The following IL1RAPL1 variants were observed in gnomAD, a reference collection of about 807,000 sequenced individuals.
The protein encoded by IL1RAPL1 is interleukin-1 receptor accessory protein-like 1.
A neutral mutation model predicts 48.4 loss-of-function variants in IL1RAPL1; 3 were observed. The observed-to-expected ratio is 0.06, with a 90% CI of 0.03 to 0.16. IL1RAPL1 has a LOEUF of 0.16. Ranked by LOEUF, IL1RAPL1 falls within the 10% of genes least tolerant of loss-of-function variation. The pLI is 1.00. For synonymous variants in IL1RAPL1, 185 were observed against 187.7 expected (o/e 0.99, Z 0.12); for missense variants, 349 against 530.6 (o/e 0.66, Z 3.36).
At chrX:29,707,360 G>A (rs751483283) in intron 6 of IL1RAPL1, among the ~76,000 whole-genome samples, 5 of 111,936 alleles carry the variant, frequency 4.5e-5, no homozygotes, top group Admixed American at 9.5e-5. Context: ...TAGTACAACC[G>A]CTATGGAAAA....
chrX:28,895,916 C>T (rs1011460562), intron 2 of IL1RAPL1, among the ~76,000 whole-genome samples: 3 of 112,027 alleles, frequency 2.7e-5, no homozygotes, highest in Admixed American at 9.4e-5. Context: ...CAGAGTTCCA[C>T]GGGCTCTGGG....
intron 9 of IL1RAPL1, 93 bp from the exon 10 acceptor site, chrX:29,954,429 G>A: frequency 1.4e-6 from 1 of 700,060 alleles, no homozygotes; most frequent in Non-Finnish European, 2.2e-6. Context: ...TGGGACATTT[G>A]GAGACGTTTA....
chrX:29,184,482 AT>A (rs1049018409), intron 2 of IL1RAPL1, among the ~76,000 whole-genome samples: 2 of 111,399 alleles, frequency 1.8e-5, no homozygotes, highest in African/African-American at 6.5e-5. Flanking sequence ...AGCCACTTAA[AT>A]TATGTATTTT....
chrX:29,805,010 A>G (rs867557977), intron 6 of IL1RAPL1, among the ~76,000 whole-genome samples: 3 of 112,507 alleles, frequency 2.7e-5, no homozygotes, highest in Non-Finnish European at 3.8e-5. Flanking sequence ...ATAATATTAA[A>G]CTTTTGTATG....
chrX:28,670,334 G>A (rs983682687), intron 1 of IL1RAPL1, among the ~76,000 whole-genome samples: 6 of 111,895 alleles, frequency 5.4e-5, no homozygotes, highest in African/African-American at 1.3e-4. Context: ...CAGAATAGAC[G>A]TTGGTTGAGG....
intron 2 of IL1RAPL1, among the ~76,000 whole-genome samples, chrX:28,838,452 C>T (rs1433925759): frequency 9.0e-6 from 1 of 110,624 alleles, no homozygotes; most frequent in Non-Finnish European, 1.9e-5. Flanking sequence ...GGTTAGTATT[C>T]CCCAAACAAG....
chrX:29,619,816 A>C (rs753755912), intron 5 of IL1RAPL1, among the ~76,000 whole-genome samples: 2 of 111,839 alleles, frequency 1.8e-5, no homozygotes, highest in African/African-American at 3.2e-5. Context: ...CATGCATTGA[A>C]GAGACATAAA....
chrX:29,281,016 A>G (rs1932193578), intron 2 of IL1RAPL1, among the ~76,000 whole-genome samples: 1 of 112,289 alleles, frequency 8.9e-6, no homozygotes, highest in African/African-American at 3.2e-5. Context: ...GATGTTAGAT[A>G]TAATTTTAAG....
intron 1 of IL1RAPL1, among the ~76,000 whole-genome samples, chrX:28,656,119 T>C (rs1476103465): frequency 4.5e-5 from 5 of 112,150 alleles, no homozygotes; most frequent in Non-Finnish European, 9.4e-5. Flanking sequence ...GGATAAGATA[T>C]CAAACTAGTT....
Position 29,465,804 on chromosome X carries a change from A to G in IL1RAPL1, c.703+66496A>G, listed in dbSNP as rs763798111. ...TAGTGATTTGGTTCCATTTCTAGAG[A>G]CTCTGATTTAATTGCTCTGGGGTAG... On this transcript the variant is annotated intron_variant, in intron 5 of 10. Coordinates refer to ENST00000378993, the MANE Select transcript of IL1RAPL1 (RefSeq NM_014271.4). Among the ~76,000 whole-genome samples, 13 of 111,175 alleles carry G rather than the reference A, an allele frequency of 1.2e-4. No individual in the cohort carries two copies. The East Asian group carries it at 3.7e-3, about 31-fold the overall frequency.
intron 1 of IL1RAPL1, among the ~76,000 whole-genome samples, chrX:28,777,828 T>C (rs966803736): frequency 4.5e-5 from 5 of 111,446 alleles, no homozygotes; most frequent in African/African-American, 1.6e-4. Context: ...TACTGGTATC[T>C]AGTGAATACA....
chrX:28,946,614 A>G (rs1287726231), intron 2 of IL1RAPL1, among the ~76,000 whole-genome samples: 1 of 111,342 alleles, frequency 9.0e-6, no homozygotes, highest in Non-Finnish European at 1.9e-5. Context: ...CTGAAACACT[A>G]GATGTCTAAT....
At chrX:28,670,138 T>G (rs756506428) in intron 1 of IL1RAPL1, among the ~76,000 whole-genome samples, 1 of 111,461 alleles carries the variant, frequency 9.0e-6, no homozygotes, top group South Asian at 3.7e-4. Context: ...AAGCTGGGAG[T>G]GTCCTAGGCA....
intron 6 of IL1RAPL1, among the ~76,000 whole-genome samples, chrX:29,688,087 A>T (rs975184121): frequency 1.8e-5 from 2 of 112,059 alleles, no homozygotes; most frequent in East Asian, 2.8e-4. Flanking sequence ...GCATAGTAAA[A>T]ATTTAGCAAC....
At chrX:29,304,733 A>T (rs768078066) in intron 3 of IL1RAPL1, among the ~76,000 whole-genome samples, 1 of 112,567 alleles carries the variant, frequency 8.9e-6, no homozygotes, top group African/African-American at 3.2e-5. Flanking sequence ...AGATAAGAGA[A>T]ATTTAAAAAT....
intron 6 of IL1RAPL1, among the ~76,000 whole-genome samples, chrX:29,832,255 T>A (rs1401335352): frequency 8.9e-6 from 1 of 112,197 alleles, no homozygotes; most frequent in Non-Finnish European, 1.9e-5. Flanking sequence ...GTGCTCTACC[T>A]GACTTAAAAG....
At chrX:29,037,273 G>A (rs1304537093) in intron 2 of IL1RAPL1, among the ~76,000 whole-genome samples, 1 of 111,745 alleles carries the variant, frequency 8.9e-6, no homozygotes, top group Non-Finnish European at 1.9e-5. Flanking sequence ...CATTGTACAT[G>A]TGGTTAATAA....
At chrX:28,878,248 G>C (rs1239024752) in intron 2 of IL1RAPL1, among the ~76,000 whole-genome samples, 1 of 111,799 alleles carries the variant, frequency 8.9e-6, no homozygotes, top group Non-Finnish European at 1.9e-5. Flanking sequence ...ATTTTTAGCT[G>C]TCAAAATTGA....
intron 2 of IL1RAPL1, among the ~76,000 whole-genome samples, chrX:29,247,040 G>A (rs1931527042): frequency 8.9e-6 from 1 of 112,232 alleles, no homozygotes; most frequent in Non-Finnish European, 1.9e-5. Flanking sequence ...ACAGGAAAGA[G>A]CAGCTCTACA....
Sources: gnomAD v4.1 joint callset for allele counts (sites outside exome capture counted in the v4.1 genomes callset) on GRCh38, gnomAD v4.1.1 for gene constraint, MANE v1.5 for transcripts, NCBI Gene and HGNC (gene_info 2026-07-23, HGNC 2026-07-21) for gene names.